The following USP1 variants were observed in gnomAD, a reference collection of about 807,000 sequenced individuals.
USP1 encodes the protein ubiquitin carboxyl-terminal hydrolase 1.
USP1 carries 18 observed loss-of-function variants against 72.2 expected under a neutral mutation model. That is an observed-to-expected ratio of 0.25 (90% CI 0.17 to 0.37). USP1 has a LOEUF of 0.37. Among genes scored for constraint, USP1 ranks in the 10% least tolerant of loss-of-function variants. The pLI is 1.00. For synonymous variants in USP1, 354 were observed against 303.7 expected (o/e 1.17, Z -1.72); for missense variants, 759 against 884.9 (o/e 0.86, Z 1.81).
chr1:62,448,254 C>T (rs966823146), intron 7 of USP1, among the ~76,000 whole-genome samples: 1 of 152,180 alleles, frequency 6.6e-6, no homozygotes, highest in African/African-American at 2.4e-5. Flanking sequence ...TGCTGTCTAT[C>T]ATATTTTTTG....
chr1:62,444,300 C>T lies in USP1; in HGVS notation c.558-438C>T, dbSNP rs542110096. On this transcript the variant is annotated intron_variant, in intron 5 of 8. Transcript: ENST00000339950. ...AAAAAAGGCCATTGTAGCGTGGTGG[C>T]CAAGAGCGGGTTTGAATACTGGCTT... Among the ~76,000 whole-genome samples, 3 of 148,688 alleles carry T rather than the reference C, an allele frequency of 2.0e-5. No homozygotes were observed. In the South Asian group the frequency reaches 6.4e-4, roughly 32 times the overall value.
At chr1:62,448,793 T>A in intron 8 of USP1, 127 bp downstream of exon 8, 1 of 977,130 alleles carries the variant, frequency 1.0e-6, no homozygotes, top group Non-Finnish European at 1.5e-6. Context: ...ATTGCTTCAG[T>A]AAAGTTTTGT....
rs1293738534 is a variant in USP1, at chr1:62,450,180, T to C, written c.1623-66T>C. On this transcript the variant is annotated intron_variant, in intron 8 of 8. Coordinates refer to ENST00000339950, the MANE Select transcript of USP1 (RefSeq NM_003368.5). ...ATTCAGATTTTTACTTGGTTTCAGA[T>C]TGGGGTATAACATTTTGAATTTAAA... The C allele has an allele frequency of 2.0e-6, 3 of 1,522,382 alleles. No individual in the cohort carries two copies. In the African/African-American group the frequency reaches 4.2e-5, roughly 21 times the overall value. 94.3% of individuals were successfully genotyped at this position (1,522,382 alleles called of 1,614,324 possible). A position where few individuals can be genotyped will look rare whatever the true frequency, so the allele number is the denominator to read the frequency against.
At chr1:62,450,181 T>G in intron 8 of USP1, 65 bp from the exon 9 acceptor site, 1 of 1,522,900 alleles carries the variant, frequency 6.6e-7, no homozygotes, top group Non-Finnish European at 8.8e-7. Context: ...GGTTTCAGAT[T>G]GGGGTATAAC....
intron 2 of USP1, among the ~76,000 whole-genome samples, 196 bp from the exon 3 acceptor site, chr1:62,441,292 T>G (rs1645132565): frequency 1.3e-5 from 2 of 152,262 alleles, no homozygotes; most frequent in Admixed American, 1.3e-4. Flanking sequence ...TAATAATGTT[T>G]TTAAATGCTT....
intron 1 of USP1, among the ~76,000 whole-genome samples, chr1:62,439,055 G>C (rs368066088): frequency 1.3e-5 from 2 of 152,116 alleles, no homozygotes; most frequent in Non-Finnish European, 2.9e-5. Flanking sequence ...ACTAGAAAAG[G>C]CATTGGAAGA....
intron 7 of USP1, 108 bp downstream of exon 7, chr1:62,447,619 C>A: frequency 8.3e-7 from 1 of 1,208,232 alleles, no homozygotes; most frequent in Non-Finnish European, 1.1e-6. Context: ...AAAAAGCTAG[C>A]TTTTAGTGTC....
At chr1:62,443,559 C>T (rs895589805) in intron 5 of USP1, among the ~76,000 whole-genome samples, 3 of 152,188 alleles carry the variant, frequency 2.0e-5, no homozygotes, top group African/African-American at 2.4e-5. Flanking sequence ...TTATCTCTAA[C>T]GTGAATATTC....
rs1252386258 is a variant in USP1 at position 62,437,230 on chromosome 1, C to G, written c.-240C>G. The G allele has an allele frequency of 2.5e-6, 1 of 398,374 alleles. No homozygotes were observed. 24.7% of individuals were successfully genotyped at this position (398,374 alleles called of 1,614,324 possible). ...GGGAGCGAGCGGCGGTCGGGGTTCC[C>G]GCTCTTGGGAGCGGATGGTCACTCC... is the stretch of plus-strand genomic sequence containing the variant. On this transcript the variant is annotated 5_prime_UTR_variant, in exon 1 of 9. Coordinates refer to ENST00000339950, the MANE Select transcript of USP1 (RefSeq NM_003368.5).
intron 1 of USP1, among the ~76,000 whole-genome samples, 181 bp downstream of exon 1, chr1:62,437,581 A>G (rs1252072849): frequency 1.3e-5 from 2 of 151,810 alleles, no homozygotes; most frequent in East Asian, 3.9e-4. Context: ...GGGACGCGAG[A>G]AGGCAGGTGC....
chr1:62,445,696 C>T (rs573324884), intron 6 of USP1, among the ~76,000 whole-genome samples: 14 of 151,950 alleles, frequency 9.2e-5, no homozygotes, highest in Admixed American at 2.6e-4. Flanking sequence ...TAGGGAAGTT[C>T]GGCCAGGTAT....
At chr1:62,441,734 C>A in intron 3 of USP1, 126 bp downstream of exon 3, 1 of 1,087,956 alleles carries the variant, frequency 9.2e-7, no homozygotes, top group Non-Finnish European at 1.3e-6. Context: ...GTTAATAAAC[C>A]AGAATAGGCT....
In USP1 at chr1:62,450,251, A is replaced by G. The variant is rs919114180; in HGVS notation, c.1628A>G (p.Asp543Gly). The change falls in exon 9 of 9, where the codon GAT becomes GGT. Residue 543 changes from aspartate to glycine, a missense_variant. Asp to Gly is a moderately conservative substitution (Grantham distance 94). Transcript: ENST00000339950. ...KCFAASGLEF[D>G]CYGGGLSKIN... ...TTCTTTTTTTCCTCCCAAAGGTTTG[A>G]TTGTTATGGTGGTGGACTTTCCAAG... 1.2e-6 allele frequency: 2 copies of G among 1,603,308 alleles called. No homozygotes were observed. The highest frequency in any genetic ancestry group is 2.7e-5 in the African/African-American group (2 of 74,272).
intron 8 of USP1, 140 bp downstream of exon 8, chr1:62,448,806 T>G: frequency 2.4e-6 from 2 of 817,072 alleles, no homozygotes; most frequent in South Asian, 3.7e-5. Flanking sequence ...AGTTTTGTTC[T>G]TATTAACAGT....
chr1:62,451,239 C>T lies in USP1; in HGVS notation c.*258C>T, dbSNP rs1382186625. Reference sequence around the variant, plus strand: ...CGGTTCTTAATTAAATTATCCAAAACGGAGGCATTTAAACACTTGGATTTA... The same window carrying T: ...CGGTTCTTAATTAAATTATCCAAAATGGAGGCATTTAAACACTTGGATTTA... On this transcript the variant is annotated 3_prime_UTR_variant, in exon 9 of 9. Coordinates refer to ENST00000339950, the MANE Select transcript of USP1 (RefSeq NM_003368.5). 5 of 301,314 alleles carry T rather than the reference C, an allele frequency of 1.7e-5. No individual in the cohort carries two copies. The highest frequency in any genetic ancestry group is 4.8e-5 in the Admixed American group (1 of 21,046). 18.7% of individuals were successfully genotyped at this position (301,314 alleles called of 1,614,324 possible).
rs1553146141 is a variant in USP1, at chr1:62,450,986, A to C, written c.*5A>C. 1 of 1,572,492 alleles carries C rather than the reference A, an allele frequency of 6.4e-7. No individual in the cohort carries two copies. The highest frequency in any genetic ancestry group is 1.2e-5 in the South Asian group (1 of 84,000). ...CTATTTTATAAGAAATTATAGAGTG[A>C]GTGTATTTTCCTTGTGTATATATTA... is the stretch of plus-strand genomic sequence containing the variant. On this transcript the variant is annotated 3_prime_UTR_variant, in exon 9 of 9. Transcript: ENST00000339950.
intron 6 of USP1, among the ~76,000 whole-genome samples, chr1:62,446,554 AAAT>A (rs1318458154): frequency 2.6e-5 from 4 of 152,192 alleles, no homozygotes; most frequent in South Asian, 2.1e-4. Flanking sequence ...GGTACAGTAA[AAAT>A]AATCATAGAC....
intron 1 of USP1, among the ~76,000 whole-genome samples, chr1:62,439,423 T>A (rs1252037307): frequency 6.6e-6 from 1 of 152,204 alleles, no homozygotes; most frequent in Non-Finnish European, 1.5e-5. Flanking sequence ...GACCTCGTGA[T>A]CCACTCGCTT....
rs771014197 is a variant in USP1, at chr1:62,445,317, AGAG to A, written c.1140_1142del (p.Glu380del). ...CTAAAGAAAATGAATGTGATCCTGAAGAGGACTTGGGGAAGTGTGAAAGTGATA... is the reference window on the plus strand; with the variant it reads ...CTAAAGAAAATGAATGTGATCCTGAAGACTTGGGGAAGTGTGAAAGTGATA... On this transcript the variant is annotated inframe_deletion, in exon 6 of 9. Coordinates refer to ENST00000339950, the MANE Select transcript of USP1 (RefSeq NM_003368.5). The A allele has an allele frequency of 6.2e-7, 1 of 1,613,534 alleles. No individual in the cohort carries two copies.
Sources: allele counts gnomAD v4.1 joint callset (sites outside exome capture counted in the v4.1 genomes callset), GRCh38; gene constraint gnomAD v4.1.1; transcripts MANE v1.5; gene names NCBI Gene and HGNC (gene_info 2026-07-23, HGNC 2026-07-21).